Variants in OTOGL observed in about 807,000 individuals in gnomAD.
OTOGL encodes the protein otogelin-like protein.
In OTOGL, 285 loss-of-function variants were observed where a neutral mutation model predicts 318.5. The ratio of observed to expected loss-of-function variants is 0.89; its 90% CI spans 0.81 to 0.99. The LOEUF is 0.99. OTOGL is among the 50% of genes least tolerant of loss of function. OTOGL has a pLI of 0.00. For missense variants in OTOGL, 2,899 were observed against 2,845.6 expected (o/e 1.02, Z -0.43); for synonymous variants, 987 against 936.5 (o/e 1.05, Z -0.99).
chr12:80,370,529 A>C, intron 55 of OTOGL, 41 bp from the exon 56 acceptor site: 1 of 1,424,812 alleles, frequency 7.0e-7, no homozygotes, highest in Non-Finnish European at 9.3e-7. Context: ...AATACAGCAG[A>C]TTTTAATATG....
chr12:80,303,061 A>G (rs980577787), intron 28 of OTOGL, among the ~76,000 whole-genome samples: 10 of 152,206 alleles, frequency 6.6e-5, no homozygotes, highest in Admixed American at 4.6e-4. Flanking sequence ...TGATCTGTTC[A>G]TAATGCAATT....
At chr12:80,252,042 A>C (rs1881606923) in intron 12 of OTOGL, 34 bp from the exon 13 acceptor site, 7 of 1,467,368 alleles carry the variant, frequency 4.8e-6, no homozygotes, top group African/African-American at 1.4e-5. Context: ...AGGCTAATAA[A>C]ATTGACTTAA....
rs1883010695 is a variant in OTOGL, at chr12:80,266,757, C to T, written c.2390+141C>T. Reference sequence around the variant, plus strand: ...TTTTTTAAAAAACCCTGCAAATGTTCATCAACAGTTACAGAAATAGCTAAG... The same window carrying T: ...TTTTTTAAAAAACCCTGCAAATGTTTATCAACAGTTACAGAAATAGCTAAG... On this transcript the variant is annotated intron_variant, in intron 21 of 58. Coordinates refer to ENST00000547103, the MANE Select transcript of OTOGL (RefSeq NM_001378609.3). 4 of 849,760 alleles carry T rather than the reference C, an allele frequency of 4.7e-6. No individual in the cohort carries two copies. The Admixed American group carries it at 9.0e-5, about 19-fold the overall frequency. 52.6% of individuals were successfully genotyped at this position (849,760 alleles called of 1,614,324 possible). A position where few individuals can be genotyped will look rare whatever the true frequency, so the allele number is the denominator to read the frequency against.
chr12:80,135,439 A>G (rs927792716), intron 1 of OTOGL, among the ~76,000 whole-genome samples: 3 of 151,388 alleles, frequency 2.0e-5, no homozygotes, highest in Admixed American at 2.0e-4. Context: ...TGCCTGGCTA[A>G]TTTTTGTATT....
intron 7 of OTOGL, among the ~76,000 whole-genome samples, chr12:80,227,349 A>G (rs1878954205): frequency 6.6e-6 from 1 of 152,162 alleles, no homozygotes; most frequent in Admixed American, 6.6e-5. Flanking sequence ...CTCTCAGAAG[A>G]TATCAACTAT....
At chr12:80,257,407 A>G (rs1882152413) in intron 17 of OTOGL, among the ~76,000 whole-genome samples, 1 of 151,768 alleles carries the variant, frequency 6.6e-6, no homozygotes, top group Non-Finnish European at 1.5e-5. Flanking sequence ...TTATAAAAGT[A>G]GGGCATGTGA....
intron 37 of OTOGL, 78 bp from the exon 38 acceptor site, chr12:80,332,927 C>T: frequency 1.7e-6 from 2 of 1,183,674 alleles, no homozygotes; most frequent in Non-Finnish European, 2.4e-6. Context: ...AATTTCTTAG[C>T]ACAGTTTCTG....
At chr12:80,315,764 A>G (rs1886929858) in intron 32 of OTOGL, among the ~76,000 whole-genome samples, 1 of 152,240 alleles carries the variant, frequency 6.6e-6, no homozygotes, top group Admixed American at 6.5e-5. Flanking sequence ...TTACATTTAT[A>G]GAAGTTTGAT....
At chr12:80,349,299 T>G (rs1036204307) in intron 44 of OTOGL, among the ~76,000 whole-genome samples, 1 of 152,164 alleles carries the variant, frequency 6.6e-6, no homozygotes, top group Non-Finnish European at 1.5e-5. Flanking sequence ...TTCCATATAT[T>G]AGCTCATTTA....
At chr12:80,266,971 A>G (rs558528402) in intron 21 of OTOGL, among the ~76,000 whole-genome samples, 2 of 152,292 alleles carry the variant, frequency 1.3e-5, no homozygotes, top group South Asian at 4.1e-4. Context: ...GTTAAATGAT[A>G]TATCAGTTAT....
chr12:80,257,364 G>T (rs566923272), intron 17 of OTOGL, among the ~76,000 whole-genome samples: 2 of 150,254 alleles, frequency 1.3e-5, no homozygotes, highest in African/African-American at 4.9e-5. Context: ...TTTGAGAGTT[G>T]CTAGACAGGA....
At chr12:80,289,336 C>G (rs1286582852) in intron 26 of OTOGL, among the ~76,000 whole-genome samples, 1 of 152,190 alleles carries the variant, frequency 6.6e-6, no homozygotes, top group Non-Finnish European at 1.5e-5. Context: ...CTGTCGACCC[C>G]TACTAGGAAG....
intron 1 of OTOGL, among the ~76,000 whole-genome samples, chr12:80,176,271 C>T (rs1291111846): frequency 6.6e-6 from 1 of 152,178 alleles, no homozygotes; most frequent in East Asian, 1.9e-4. Context: ...ATATGTTAAA[C>T]TGCATGTATT....
chr12:80,217,888 A>G (rs777069712), intron 5 of OTOGL, among the ~76,000 whole-genome samples: 5 of 152,226 alleles, frequency 3.3e-5, no homozygotes, highest in Admixed American at 6.5e-5. Context: ...CTGCATGACC[A>G]GGGAAGATGT....
At chr12:80,204,135 C>G (rs7971278) in intron 1 of OTOGL, among the ~76,000 whole-genome samples, 9,648 of 152,086 alleles carry the variant, frequency 0.063, 1,017 homozygotes, top group African/African-American at 0.22. Flanking sequence ...AAGGGGAAAC[C>G]TTTTTTGTGG....
chr12:80,314,895 T>TA (rs1391122359), intron 32 of OTOGL, among the ~76,000 whole-genome samples: 1 of 152,180 alleles, frequency 6.6e-6, no homozygotes, highest in Admixed American at 6.6e-5. Flanking sequence ...ATTCATTCTT[T>TA]AAAAACCAAG....
chr12:80,266,701 G>GA (rs1246075151), intron 21 of OTOGL, 85 bp downstream of exon 21: 26 of 1,308,358 alleles, frequency 2.0e-5, no homozygotes, highest in Admixed American at 5.6e-5. Context: ...GGAAGTTTTT[G>GA]AAAAAAATAT....
intron 1 of OTOGL, among the ~76,000 whole-genome samples, chr12:80,159,000 A>G (rs1873315347): frequency 6.6e-6 from 1 of 152,052 alleles, no homozygotes; most frequent in South Asian, 2.1e-4. Flanking sequence ...ACATTGAGGT[A>G]TGTCTCTTTT....
At chr12:80,188,745 T>C (rs1226779172) in intron 1 of OTOGL, among the ~76,000 whole-genome samples, 1 of 152,120 alleles carries the variant, frequency 6.6e-6, no homozygotes, top group African/African-American at 2.4e-5. Flanking sequence ...GCTTTTGTTA[T>C]ATAAATAAAG....
Sources: gnomAD v4.1 joint callset for allele counts (sites outside exome capture counted in the v4.1 genomes callset) on GRCh38, gnomAD v4.1.1 for gene constraint, MANE v1.5 for transcripts, NCBI Gene and HGNC (gene_info 2026-07-23, HGNC 2026-07-21) for gene names.